CTNNA2: variants seen among roughly 807,000 people sequenced by gnomAD.
CTNNA2 encodes the protein catenin alpha-2.
A neutral mutation model predicts 101.0 loss-of-function variants in CTNNA2; 42 were observed. The observed-to-expected ratio is 0.42, with a 90% CI of 0.32 to 0.54. The LOEUF is 0.54. CTNNA2 is among the 20% of genes least tolerant of loss of function. The pLI is 0.14. For synonymous variants in CTNNA2, 450 were observed against 456.4 expected (o/e 0.99, Z 0.18); for missense variants, 871 against 1,223.1 (o/e 0.71, Z 4.29).
chr2:80,320,735 A>T (rs1678598881), intron 7 of CTNNA2, among the ~76,000 whole-genome samples: 1 of 152,188 alleles, frequency 6.6e-6, no homozygotes, highest in Non-Finnish European at 1.5e-5. Flanking sequence ...TTTACGCTTA[A>T]ATATTTTATG....
chr2:80,302,248 C>A lies in CTNNA2; in HGVS notation c.1057-90963C>A, dbSNP rs1467216306. 1.2e-6 allele frequency: 2 copies of A among 1,611,052 alleles called. No homozygotes were observed. Among genetic ancestry groups the A allele is most frequent in the Non-Finnish European group, 1.7e-6 (2 of 1,178,544 alleles). On this transcript the variant is annotated intron_variant, in intron 7 of 18. Transcript: ENST00000402739. The surrounding 1 kb of genome is among the most constrained non-coding windows in gnomAD (Gnocchi z 6.4). ...GCGCATGGGTTGAGAGCCACTGGGACAATCACACCTCGCATTCCCTCGCGG... is the reference window on the plus strand; with the variant it reads ...GCGCATGGGTTGAGAGCCACTGGGAAAATCACACCTCGCATTCCCTCGCGG...
At chr2:80,018,779 TAAA>T (rs11374204) in intron 7 of CTNNA2, among the ~76,000 whole-genome samples, 6 of 123,910 alleles carry the variant, frequency 4.8e-5, no homozygotes, top group Non-Finnish European at 3.4e-5. Context: ...AGACTCTGTG[TAAA>T]AAAAAAAAAA....
chr2:80,291,374 G>A (rs1327324567), intron 7 of CTNNA2, among the ~76,000 whole-genome samples: 1 of 152,228 alleles, frequency 6.6e-6, no homozygotes, highest in Non-Finnish European at 1.5e-5. Flanking sequence ...GGTCTGGACA[G>A]GTGGAACCAA....
chr2:80,137,935 A>T (rs910164380), intron 7 of CTNNA2, among the ~76,000 whole-genome samples: 1 of 152,096 alleles, frequency 6.6e-6, no homozygotes, highest in Non-Finnish European at 1.5e-5. Flanking sequence ...GCTTCATAAG[A>T]TGGAAGAATT....
At chr2:80,238,794 ACGGTAGAAACATC>A (rs1047596712) in intron 7 of CTNNA2, among the ~76,000 whole-genome samples, 24 of 152,310 alleles carry the variant, frequency 1.6e-4, no homozygotes, top group African/African-American at 5.8e-4. Context: ...GGACATCAAC[ACGGTAGAAACATC>A]CGGAATTGTC....
intron 1 of CTNNA2, among the ~76,000 whole-genome samples, chr2:79,513,985 C>G (rs549450601): frequency 1.3e-5 from 2 of 152,198 alleles, no homozygotes; most frequent in Non-Finnish European, 2.9e-5. Context: ...GTGTTCTTTT[C>G]CCCTAGGCCT....
intron 4 of CTNNA2, among the ~76,000 whole-genome samples, chr2:79,454,565 T>C (rs1414307067): frequency 1.3e-5 from 2 of 152,184 alleles, no homozygotes; most frequent in African/African-American, 2.4e-5. Flanking sequence ...GGAATCCTAC[T>C]CAAAACATAA....
At chr2:79,957,079 G>A (rs553194483) in intron 7 of CTNNA2, among the ~76,000 whole-genome samples, 2 of 151,966 alleles carry the variant, frequency 1.3e-5, no homozygotes, top group African/African-American at 2.4e-5. Context: ...AGAAGCCCCT[G>A]AGAGATAGGC....
At chr2:79,523,324 G>A (rs1052438891) in intron 1 of CTNNA2, 2 of 399,500 alleles carry the variant, frequency 5.0e-6, no homozygotes, top group Non-Finnish European at 9.7e-6. Flanking sequence ...GTGTAGCTGT[G>A]TATATACATA....
chr2:79,549,966 A>G (rs2104043594), intron 1 of CTNNA2, among the ~76,000 whole-genome samples: 1 of 152,318 alleles, frequency 6.6e-6, no homozygotes, highest in South Asian at 2.1e-4. Context: ...TATAAGGGCC[A>G]GTAAAATAAT....
chr2:80,272,378 TAC>T (rs1194102811), intron 7 of CTNNA2, among the ~76,000 whole-genome samples: 8 of 152,214 alleles, frequency 5.3e-5, no homozygotes, highest in African/African-American at 1.7e-4. Context: ...GGAACTTAAT[TAC>T]AGAGTTGGCT....
At chr2:79,546,661 A>T (rs1673749453) in intron 1 of CTNNA2, among the ~76,000 whole-genome samples, 1 of 152,198 alleles carries the variant, frequency 6.6e-6, no homozygotes, top group African/African-American at 2.4e-5. Context: ...AATGTGGTTT[A>T]TAGCAGACAC....
intron 1 of CTNNA2, among the ~76,000 whole-genome samples, chr2:79,564,226 A>G (rs1401456976): frequency 6.6e-6 from 1 of 151,560 alleles, no homozygotes; most frequent in African/African-American, 2.4e-5. Flanking sequence ...ATACTTTTAA[A>G]GATTTTTAAA....
chr2:79,784,634 CCT>C (rs1178756989), intron 3 of CTNNA2, among the ~76,000 whole-genome samples: 1 of 151,790 alleles, frequency 6.6e-6, no homozygotes, highest in African/African-American at 2.4e-5. Flanking sequence ...ATACTCAACT[CCT>C]CTCTCTAATA....
At chr2:79,296,512 G>A (rs1213552948) in intron 2 of CTNNA2, among the ~76,000 whole-genome samples, 1 of 151,942 alleles carries the variant, frequency 6.6e-6, no homozygotes, top group African/African-American at 2.4e-5. Context: ...GCTCTCATTT[G>A]TGCATTTATT....
chr2:80,010,116 C>G (rs1408000924), intron 7 of CTNNA2, among the ~76,000 whole-genome samples: 1 of 152,150 alleles, frequency 6.6e-6, no homozygotes, highest in East Asian at 1.9e-4. Context: ...TAGCTCCCTA[C>G]CCCTTCTCAT....
intron 9 of CTNNA2, among the ~76,000 whole-genome samples, chr2:80,510,756 C>T (rs990720792): frequency 6.6e-6 from 1 of 152,130 alleles, no homozygotes; most frequent in Non-Finnish European, 1.5e-5. Context: ...ATATAGGATC[C>T]TTGTGACGTG....
chr2:80,639,876 G>T (rs1573541609), intron 18 of CTNNA2, among the ~76,000 whole-genome samples: 1 of 152,056 alleles, frequency 6.6e-6, no homozygotes, highest in Non-Finnish European at 1.5e-5. Flanking sequence ...GTCGAGGTGG[G>T]CAGATCATGA....
chr2:79,358,907 A>G (rs1171111324), intron 3 of CTNNA2, among the ~76,000 whole-genome samples: 1 of 152,136 alleles, frequency 6.6e-6, no homozygotes. Flanking sequence ...GTGTTGCCAA[A>G]AGCTCTCTAA....
Sources: allele counts gnomAD v4.1 joint callset (sites outside exome capture counted in the v4.1 genomes callset), GRCh38; gene constraint gnomAD v4.1.1; non-coding constraint Gnocchi (gnomAD v3.1); transcripts MANE v1.5; gene names NCBI Gene and HGNC (gene_info 2026-07-23, HGNC 2026-07-21).